The following SLC23A2 variants were observed in gnomAD, a reference collection of about 807,000 sequenced individuals.
The protein encoded by SLC23A2 is solute carrier family 23 member 2, also known as Na(+)/L-ascorbic acid transporter 2.
Under a neutral mutation model 73.3 loss-of-function variants are expected in SLC23A2, and 36 were observed. The observed-to-expected ratio is 0.49, with a 90% confidence interval of 0.38 to 0.65. The LOEUF is 0.65. SLC23A2 is among the 30% of genes least tolerant of loss of function. The probability of loss-of-function intolerance (pLI) is 0.00; values close to 1 mark genes in which losing one functional copy is unlikely to be tolerated. For missense variants in SLC23A2, 507 were observed against 841.6 expected (o/e 0.60, Z 4.92); for synonymous variants, 343 against 327.3 (o/e 1.05, Z -0.52).
intron 4 of SLC23A2, among the ~76,000 whole-genome samples, chr20:4,909,903 A>G (rs1244782204): frequency 6.6e-6 from 1 of 152,242 alleles, no homozygotes; most frequent in Non-Finnish European, 1.5e-5. Context: ...TCAAAGTTAC[A>G]GAAGACAAGT....
intron 2 of SLC23A2, among the ~76,000 whole-genome samples, chr20:4,969,011 G>A (rs1202932597): frequency 1.3e-5 from 2 of 151,696 alleles, no homozygotes; most frequent in Non-Finnish European, 2.9e-5. Flanking sequence ...GTGAGCCACT[G>A]TGCCCGGCCT....
chr20:4,919,507 G>C (rs76524725), intron 3 of SLC23A2, among the ~76,000 whole-genome samples: 2,388 of 152,346 alleles, frequency 0.016, 64 homozygotes, highest in African/African-American at 0.054. Context: ...CCACAGCAGA[G>C]CTCGGGCGGG....
chr20:4,927,530 G>A (rs918433714), intron 3 of SLC23A2, among the ~76,000 whole-genome samples: 3 of 152,122 alleles, frequency 2.0e-5, no homozygotes, highest in Admixed American at 2.0e-4. Context: ...TGTGTGTCAA[G>A]TCCCACACCC....
At chr20:4,986,362 G>GGAGT (rs1460293908) in intron 1 of SLC23A2, among the ~76,000 whole-genome samples, 1 of 152,056 alleles carries the variant, frequency 6.6e-6, no homozygotes, top group African/African-American at 2.4e-5. Context: ...TGCCCAAGCT[G>GGAGT]GAGTGCAGTG....
chr20:4,912,271 C>T (rs6116579), intron 4 of SLC23A2, among the ~76,000 whole-genome samples: 1 of 152,062 alleles, frequency 6.6e-6, no homozygotes, highest in Non-Finnish European at 1.5e-5. Context: ...TTCTCCCCAC[C>T]TTAGTGTGCC....
intron 2 of SLC23A2, among the ~76,000 whole-genome samples, chr20:4,938,229 G>A (rs769119914): frequency 7.9e-5 from 12 of 151,856 alleles, no homozygotes; most frequent in Non-Finnish European, 1.6e-4. Context: ...ATGTTGCCCA[G>A]GGTGGTCTTG....
intron 5 of SLC23A2, among the ~76,000 whole-genome samples, chr20:4,901,149 G>A (rs142673225): frequency 5.3e-5 from 8 of 152,232 alleles, no homozygotes; most frequent in Non-Finnish European, 1.0e-4. Context: ...ACTAGTTGCC[G>A]AGGCCACTCA....
chr20:4,953,979 T>C (rs1568640280), intron 2 of SLC23A2, among the ~76,000 whole-genome samples: 1 of 152,154 alleles, frequency 6.6e-6, no homozygotes, highest in Non-Finnish European at 1.5e-5. Context: ...TATTATTTTT[T>C]AAATGTCAGA....
intron 3 of SLC23A2, among the ~76,000 whole-genome samples, chr20:4,922,638 C>A (rs1329259298): frequency 6.6e-6 from 1 of 151,880 alleles, no homozygotes; most frequent in Non-Finnish European, 1.5e-5. Context: ...ACCATCCTGG[C>A]CAACATGGTA....
chr20:4,954,438 T>C (rs2087250277), intron 2 of SLC23A2, among the ~76,000 whole-genome samples: 1 of 152,132 alleles, frequency 6.6e-6, no homozygotes, highest in Non-Finnish European at 1.5e-5. Context: ...GGCTCATGCC[T>C]GTAATCCCAG....
chr20:4,892,056 C>T (rs1931352280), intron 6 of SLC23A2, among the ~76,000 whole-genome samples: 1 of 151,320 alleles, frequency 6.6e-6, no homozygotes, highest in Non-Finnish European at 1.5e-5. Flanking sequence ...GTCCTGCTCA[C>T]TAACAGTCTT....
At chr20:4,963,009 C>T (rs2087417304) in intron 2 of SLC23A2, among the ~76,000 whole-genome samples, 1 of 151,966 alleles carries the variant, frequency 6.6e-6, no homozygotes. Flanking sequence ...AAAAAGTTGC[C>T]AGATGATGGC....
rs539717171 is a variant in SLC23A2 at position 4,967,663 on chromosome 20, A to C, written c.-155+3130T>G. 4.6e-5 allele frequency among the ~76,000 whole-genome samples: 7 copies of C among 152,344 alleles called. No individual in the cohort carries two copies. The South Asian group carries it at 1.4e-3, about 32-fold the overall frequency. On this transcript the variant is annotated intron_variant, in intron 2 of 16. Transcript: ENST00000338244. ...CAACAGCACAAAGTCTATAAACCAAAAACACCAGGATTTCCCGATACATAG... is the reference window on the plus strand; with the variant it reads ...CAACAGCACAAAGTCTATAAACCAACAACACCAGGATTTCCCGATACATAG...
intron 7 of SLC23A2, 94 bp from the exon 8 acceptor site, chr20:4,884,917 T>C: frequency 4.2e-6 from 3 of 705,916 alleles, no homozygotes; most frequent in Non-Finnish European, 7.1e-6. Context: ...CTCCCTGTTT[T>C]TATTACATCT....
chr20:4,890,652 C>CA (rs112262724), intron 6 of SLC23A2, among the ~76,000 whole-genome samples: 35 of 146,110 alleles, frequency 2.4e-4, no homozygotes, highest in African/African-American at 5.0e-4. Flanking sequence ...GACTCCATCT[C>CA]AAAAAAAAAA....
chr20:4,987,197 G>A (rs1473902592), intron 1 of SLC23A2, among the ~76,000 whole-genome samples: 3 of 152,152 alleles, frequency 2.0e-5, no homozygotes, highest in South Asian at 2.1e-4. Context: ...GAACAAAATC[G>A]ATATTGCTAA....
chr20:4,957,574 T>C (rs1208975071), intron 2 of SLC23A2, among the ~76,000 whole-genome samples: 1 of 140,048 alleles, frequency 7.1e-6, no homozygotes, highest in Non-Finnish European at 1.5e-5. Flanking sequence ...CAGCTAAAAC[T>C]ATAACCTCAA....
At chr20:5,001,526 G>A (rs1393257843), upstream of SLC23A2, 1 of 150,600 alleles carries the variant, frequency 6.6e-6, no homozygotes, top group African/African-American at 2.4e-5. Context: ...GGAGGGGCGG[G>A]CCGGGGGCGG....
intron 3 of SLC23A2, among the ~76,000 whole-genome samples, chr20:4,921,819 A>C (rs1208399159): frequency 6.6e-6 from 1 of 152,178 alleles, no homozygotes; most frequent in Non-Finnish European, 1.5e-5. Flanking sequence ...CACATATGAG[A>C]ACTACAAAAA....
Sources: allele counts gnomAD v4.1 joint callset (sites outside exome capture counted in the v4.1 genomes callset), GRCh38; gene constraint gnomAD v4.1.1; transcripts MANE v1.5; gene names NCBI Gene and HGNC (gene_info 2026-07-23, HGNC 2026-07-21).